Variants in CORO1C observed in about 807,000 individuals in gnomAD.
CORO1C encodes coronin-1C.
In CORO1C, 14 loss-of-function variants were observed where a neutral mutation model predicts 51.2. The observed-to-expected ratio is 0.27, with a 90% CI of 0.18 to 0.43. CORO1C has a LOEUF of 0.43. Among genes scored for constraint, CORO1C ranks in the 20% least tolerant of loss-of-function variants. The pLI is 1.00. For missense variants in CORO1C, 417 were observed against 607.8 expected (o/e 0.69, Z 3.30); for synonymous variants, 181 against 210.5 (o/e 0.86, Z 1.21).
chr12:108,681,032 G>A (rs944901384), intron 2 of CORO1C, among the ~76,000 whole-genome samples: 1 of 151,960 alleles, frequency 6.6e-6, no homozygotes, highest in Admixed American at 6.6e-5. Flanking sequence ...TCTTGTTCTT[G>A]TCTCACGTTG....
At position 108,698,649 on chromosome 12, in the gene CORO1C, C is replaced by A. The variant is rs567447793; in HGVS notation, c.195+2475G>T. On this transcript the variant is annotated intron_variant, in intron 2 of 10. Transcript: ENST00000261401. ...CTCGAACTCCTGACCTCAGGTGATC[C>A]GCCCGCCTCAGCCTCCCAAAGTGCT... Among the ~76,000 whole-genome samples the A allele has an allele frequency of 1.3e-4, 20 of 152,320 alleles. No homozygotes were observed. The East Asian group carries it at 2.7e-3, about 21-fold the overall frequency.
chr12:108,687,486 C>A (rs2136845049), intron 2 of CORO1C, among the ~76,000 whole-genome samples: 1 of 149,740 alleles, frequency 6.7e-6, no homozygotes, highest in African/African-American at 2.5e-5. Context: ...GACCCTGTTT[C>A]AAAAAAATAA....
intron 6 of CORO1C, among the ~76,000 whole-genome samples, chr12:108,656,383 G>T (rs1264218744): frequency 6.1e-5 from 9 of 147,446 alleles, no homozygotes; most frequent in East Asian, 2.1e-4. Flanking sequence ...GGAGGGAGGT[G>T]GGGGGGCAGC....
intron 1 of CORO1C, among the ~76,000 whole-genome samples, chr12:108,720,769 CGCCTCA>C (rs1276879185): frequency 6.6e-6 from 1 of 152,032 alleles, no homozygotes; most frequent in Admixed American, 6.6e-5. Context: ...GTGATCCACC[CGCCTCA>C]GCCTCCTAAA....
At chr12:108,720,735 G>T (rs533169375) in intron 1 of CORO1C, among the ~76,000 whole-genome samples, 1 of 152,078 alleles carries the variant, frequency 6.6e-6, no homozygotes, top group Admixed American at 6.6e-5. Context: ...ATGTTAGCCA[G>T]GATGGTCTCG....
chr12:108,725,524 G>A (rs2035567712), intron 1 of CORO1C, among the ~76,000 whole-genome samples: 1 of 152,190 alleles, frequency 6.6e-6, no homozygotes, highest in Non-Finnish European at 1.5e-5. Context: ...CAAAGTCACA[G>A]CTAGCAAGAA....
intron 1 of CORO1C, among the ~76,000 whole-genome samples, chr12:108,723,629 A>G (rs1303228964): frequency 6.6e-6 from 1 of 152,254 alleles, no homozygotes; most frequent in African/African-American, 2.4e-5. Flanking sequence ...ATGGAGCAAG[A>G]AAGTCTCTTA....
chr12:108,662,013 T>C lies in CORO1C; in HGVS notation c.448+16A>G. 2 of 1,614,088 alleles carry C rather than the reference T, an allele frequency of 1.2e-6. No individual in the cohort carries two copies. Among genetic ancestry groups the C allele is most frequent in the South Asian group, 1.1e-5 (1 of 91,086 alleles). On this transcript the variant is annotated intron_variant, in intron 4 of 10. Transcript: ENST00000261401. ...GAGTGGAAGACAAGGGGAGGACCGC[T>C]GAGCTCAGCTCCCACCTGCACTAAG... is the stretch of plus-strand genomic sequence containing the variant.
chr12:108,659,030 G>C lies in CORO1C; in HGVS notation c.449-111C>G, dbSNP rs190067519. On this transcript the variant is annotated intron_variant, in intron 4 of 10. Coordinates refer to ENST00000261401, the MANE Select transcript of CORO1C (RefSeq NM_014325.4). ...ACATATGTATATGCAGAGAGAGAGA[G>C]AGAGAAAGAGAGAGAGAGAAAAGAT... 6.5e-6 allele frequency: 7 copies of C among 1,076,290 alleles called. No individual in the cohort carries two copies. In the East Asian group the frequency reaches 1.6e-4, roughly 24 times the overall value. The allele number at this position is 1,076,290 out of a possible 1,614,324, so 66.7% of individuals were successfully genotyped here.
chr12:108,722,221 A>T (rs1157328923), intron 1 of CORO1C, among the ~76,000 whole-genome samples: 2 of 152,260 alleles, frequency 1.3e-5, no homozygotes, highest in Non-Finnish European at 2.9e-5. Context: ...GAGTGAAATG[A>T]CATGAATAAA....
chr12:108,709,173 C>T (rs548606202), intron 1 of CORO1C, among the ~76,000 whole-genome samples: 17 of 152,070 alleles, frequency 1.1e-4, no homozygotes, highest in Middle Eastern at 3.4e-3. Flanking sequence ...AGTGAATTGT[C>T]TAGTATGTGA....
chr12:108,689,855 T>TCAA (rs1163820826), intron 2 of CORO1C, among the ~76,000 whole-genome samples: 3 of 152,180 alleles, frequency 2.0e-5, no homozygotes, highest in Non-Finnish European at 4.4e-5. Flanking sequence ...TGAGAATTCT[T>TCAA]CAACTCAGCA....
At chr12:108,693,544 A>G (rs2034568804) in intron 2 of CORO1C, among the ~76,000 whole-genome samples, 1 of 152,262 alleles carries the variant, frequency 6.6e-6, no homozygotes, top group Non-Finnish European at 1.5e-5. Context: ...ATTCACACTG[A>G]AAGTGAAAGA....
chr12:108,652,255 C>T lies in CORO1C; in HGVS notation c.1001+17G>A. On this transcript the variant is annotated intron_variant, in intron 8 of 10. Transcript: ENST00000261401. ...AGTTACACCAACCTAGAATACTTGA[C>T]AATCTCGATTCTTTACCTGGCAATC... 6.2e-7 allele frequency: 1 copy of T among 1,611,202 alleles called. No homozygotes were observed. Among genetic ancestry groups the T allele is most frequent in the East Asian group, 2.2e-5 (1 of 44,844 alleles).
intron 4 of CORO1C, among the ~76,000 whole-genome samples, chr12:108,660,536 A>G (rs1405889368): frequency 1.3e-5 from 2 of 151,704 alleles, no homozygotes; most frequent in African/African-American, 2.4e-5. Flanking sequence ...AAACTCTGGG[A>G]TGGACAATTG....
At chr12:108,662,244 T>C in intron 3 of CORO1C, 86 bp from the exon 4 acceptor site, 1 of 1,198,638 alleles carries the variant, frequency 8.3e-7, no homozygotes, top group Non-Finnish European at 1.2e-6. Flanking sequence ...TATAAAGATT[T>C]GCTCTATGTA....
chr12:108,714,617 C>T (rs992400876), intron 1 of CORO1C, among the ~76,000 whole-genome samples: 6 of 151,598 alleles, frequency 4.0e-5, no homozygotes, highest in Non-Finnish European at 7.4e-5. Context: ...AAAAAATTAG[C>T]CGGGCATGAT....
At position 108,658,554 on chromosome 12, in the gene CORO1C, T is replaced by A. The variant is rs6539450; in HGVS notation, c.630+184A>T. Among the ~76,000 whole-genome samples, 1 of 151,960 alleles carries A rather than the reference T, an allele frequency of 6.6e-6. No homozygotes were observed. Among genetic ancestry groups the A allele is most frequent in the African/African-American group, 2.4e-5 (1 of 41,336 alleles). On this transcript the variant is annotated intron_variant, in intron 5 of 10. Coordinates refer to ENST00000261401, the MANE Select transcript of CORO1C (RefSeq NM_014325.4). The surrounding 1 kb of genome is among the most constrained non-coding windows in gnomAD (Gnocchi z 4.9). ...GAGACTTGAGTAAAAGCTGGAAAAT[T>A]TACAACTCTGGAGAGAAGCACAACT...
At chr12:108,718,792 A>G (rs1451603119) in intron 1 of CORO1C, among the ~76,000 whole-genome samples, 1 of 152,204 alleles carries the variant, frequency 6.6e-6, no homozygotes, top group Admixed American at 6.5e-5. Flanking sequence ...ACTCAATATC[A>G]GTATCTATAA....
Sources: allele counts gnomAD v4.1 joint callset (sites outside exome capture counted in the v4.1 genomes callset), GRCh38; gene constraint gnomAD v4.1.1; non-coding constraint Gnocchi (gnomAD v3.1); transcripts MANE v1.5; gene names NCBI Gene and HGNC (gene_info 2026-07-23, HGNC 2026-07-21).